The following OR10G4 variants were observed in gnomAD, a reference collection of about 807,000 sequenced individuals.
OR10G4 encodes olfactory receptor 10G4.
For synonymous variants in OR10G4, 130 were observed against 159.3 expected, an observed-to-expected ratio of 0.82 and a Z score of 1.39; for missense variants, 318 against 388.8, an observed-to-expected ratio of 0.82 and a Z score of 1.53.
In OR10G4 at chr11:124,015,593, G is replaced by T; in HGVS notation, c.19G>T (p.Val7Leu). 1 of 1,606,170 alleles carries T rather than the reference G, an allele frequency of 6.2e-7. No homozygotes were observed. The highest frequency in any genetic ancestry group is 8.5e-7 in the Non-Finnish European group (1 of 1,175,672). ...AGAAGAAATGTCCAACGCCAGCCTC[G>T]TGACAGCATTCATCCTCACAGGCCT... is the stretch of plus-strand genomic sequence containing the variant. MSNASL[V>L]TAFILTGLPH... The change falls in exon 2 of 2, where the codon GTG becomes TTG. Residue 7 changes from valine (V) to leucine (L), a missense_variant. Transcript: ENST00000641722.
Position 124,017,049 on chromosome 11 carries a change from A to G in OR10G4, c.*539A>G, listed in dbSNP as rs948397176. 1 of 152,348 alleles carries G rather than the reference A, an allele frequency of 6.6e-6. No homozygotes were observed. Among genetic ancestry groups the G allele is most frequent in the East Asian group, 1.9e-4 (1 of 5,192 alleles). 9.4% of individuals were successfully genotyped at this position (152,348 alleles called of 1,614,324 possible). A position where few individuals can be genotyped will look rare whatever the true frequency, so the allele number is the denominator to read the frequency against. On this transcript the variant is annotated 3_prime_UTR_variant, in exon 2 of 2. Transcript: ENST00000641722. ...GTACATGACATTTAGCATATTTAAC[A>G]TATAGGTTTTCATATATTTATGTAT...
chr11:124,016,013 A>C lies in OR10G4; in HGVS notation c.439A>C (p.Thr147Pro). ...CAGGTGTGCCCTCCTGGCCACCGGC[A>C]CTTGGCTCAGTGGCTCTCTGCACTC... ...GSRCALLATG[T>P]WLSGSLHSAV... The change falls in exon 2 of 2, where the codon ACT becomes CCT. Residue 147 changes from threonine to proline, a missense_variant. Transcript: ENST00000641722. 2.5e-6 allele frequency: 4 copies of C among 1,613,966 alleles called. No homozygotes were observed. The highest frequency in any genetic ancestry group is 3.4e-6 in the Non-Finnish European group (4 of 1,179,906).
intron 1 of OR10G4, among the ~76,000 whole-genome samples, chr11:124,014,538 CCACTTTCCGGCACT>C (rs1863998285): frequency 6.6e-6 from 1 of 152,194 alleles, no homozygotes; most frequent in African/African-American, 2.4e-5. Flanking sequence ...TGTCCTGCAC[CCACTTTCCGGCACT>C]CCCCAGTGAG....
At position 124,017,454 on chromosome 11, in the gene OR10G4, A is replaced by C. The variant is rs994618480; in HGVS notation, c.*944A>C. 1 of 152,222 alleles carries C rather than the reference A, an allele frequency of 6.6e-6. No individual in the cohort carries two copies. Among genetic ancestry groups the C allele is most frequent in the Non-Finnish European group, 1.5e-5 (1 of 68,030 alleles). The allele number at this position is 152,222 out of a possible 1,614,324, so 9.4% of individuals were successfully genotyped here. ...ATAGGTCAGGAGTGTTAAACATTCC[A>C]CAATGCACAGGAGAGACCCTCACAA... On this transcript the variant is annotated 3_prime_UTR_variant, in exon 2 of 2. Coordinates refer to ENST00000641722, the MANE Select transcript of OR10G4 (RefSeq NM_001004462.2).
rs1235623237 is a variant in OR10G4 at position 124,018,363 on chromosome 11, C to G, written c.*1853C>G. 2.7e-5 allele frequency: 4 copies of G among 149,528 alleles called. No homozygotes were observed. The highest frequency in any genetic ancestry group is 1.3e-4 in the Admixed American group (2 of 14,978). The allele number at this position is 149,528 out of a possible 1,614,324, so 9.3% of individuals were successfully genotyped here. ...CTATCCCTCCCCCAGCCCCCCACCC[C>G]CCAAAAGGCCCCCTTGTGTGATGTT... On this transcript the variant is annotated 3_prime_UTR_variant, in exon 2 of 2. Coordinates refer to ENST00000641722, the MANE Select transcript of OR10G4 (RefSeq NM_001004462.2).
Position 124,013,720 on chromosome 11 carries a change from T to C in OR10G4, c.-28+608T>C, listed in dbSNP as rs536226950. 1.7e-4 allele frequency among the ~76,000 whole-genome samples: 26 copies of C among 152,286 alleles called. No homozygotes were observed. The South Asian group carries it at 4.6e-3, about 27-fold the overall frequency. On this transcript the variant is annotated intron_variant, in intron 1 of 1. Transcript: ENST00000641722. Reference sequence around the variant, plus strand: ...GACTAAGAAAACATTTTGTATGCAGTTAAAAACATCATTTCAACCTGAATA... The same window carrying C: ...GACTAAGAAAACATTTTGTATGCAGCTAAAAACATCATTTCAACCTGAATA...
chr11:124,015,748 C>G lies in OR10G4; in HGVS notation c.174C>G (p.Tyr58Ter). 1 of 1,606,274 alleles carries G rather than the reference C, an allele frequency of 6.2e-7. No individual in the cohort carries two copies. Among genetic ancestry groups the G allele is most frequent in the Non-Finnish European group, 8.5e-7 (1 of 1,174,140 alleles). The change falls in exon 2 of 2, where the codon TAC (tyrosine) becomes TAG (stop). Residue 58 changes from tyrosine (Y) to a stop codon, truncating the protein, a stop_gained. Coordinates refer to ENST00000641722, the MANE Select transcript of OR10G4 (RefSeq NM_001004462.2). LOFTEE classifies it low-confidence loss of function (END_TRUNC). ...RVDSHLHTPM[Y>*]YFLTNLSFID... is the part of the protein sequence containing the mutation. ...ATTCTCACCTCCACACCCCCATGTACTACTTCCTCACCAACCTGTCCTTCA... is the reference window on the plus strand; with the variant it reads ...ATTCTCACCTCCACACCCCCATGTAGTACTTCCTCACCAACCTGTCCTTCA...
In OR10G4 at chr11:124,016,386, T is replaced by C. The variant is rs1864020824; in HGVS notation, c.812T>C (p.Val271Ala). ...TCCATGGATGCCATGGATGGAGTTG[T>C]GGCCATTTTCTACACTGTGCTGACG... ...PGSMDAMDGV[V>A]AIFYTVLTPL... Residue 271 changes from valine to alanine, a missense_variant, in exon 2 of 2, where the codon GTG becomes GCG. By Grantham distance (64) the Val-to-Ala change is moderately conservative. Transcript: ENST00000641722. 1 of 1,614,216 alleles carries C rather than the reference T, an allele frequency of 6.2e-7. No individual in the cohort carries two copies. The highest frequency in any genetic ancestry group is 1.1e-5 in the South Asian group (1 of 91,084).
chr11:124,015,442 A>G, intron 1 of OR10G4, 106 bp from the exon 2 acceptor site: 4 of 1,086,638 alleles, frequency 3.7e-6, no homozygotes, highest in Non-Finnish European at 5.3e-6. Flanking sequence ...AGCGAAGTGC[A>G]GGATAACTCC....
chr11:124,013,844 A>C (rs996417463), intron 1 of OR10G4, among the ~76,000 whole-genome samples: 1 of 152,210 alleles, frequency 6.6e-6, no homozygotes, highest in Non-Finnish European at 1.5e-5. Flanking sequence ...CAGGTATTAA[A>C]AAAGAAACAT....
chr11:124,016,957 T>C lies in OR10G4; in HGVS notation c.*447T>C, dbSNP rs1864026543. 1 of 156,212 alleles carries C rather than the reference T, an allele frequency of 6.4e-6. No homozygotes were observed. Among genetic ancestry groups the C allele is most frequent in the Admixed American group, 6.2e-5 (1 of 16,052 alleles). The allele number at this position is 156,212 out of a possible 1,614,324, so 9.7% of individuals were successfully genotyped here. A position where few individuals can be genotyped will look rare whatever the true frequency, so the allele number is the denominator to read the frequency against. On this transcript the variant is annotated 3_prime_UTR_variant, in exon 2 of 2. Transcript: ENST00000641722. The stretch of plus-strand genomic sequence containing the variant: ...TCTAATTGTGGCTGTTCAAATTTGT[T>C]TTTGGTTTTAACGTATCTATATATT...
chr11:124,018,044 T>A lies in OR10G4; in HGVS notation c.*1534T>A, dbSNP rs577234685. On this transcript the variant is annotated 3_prime_UTR_variant, in exon 2 of 2. Transcript: ENST00000641722. ...ATCTGGGTATTCAGAATAAAAAAAA[T>A]TAGTCTCGATCCTATTTCATACTAT... 2.0e-5 allele frequency: 3 copies of A among 152,226 alleles called. No individual in the cohort carries two copies. Among genetic ancestry groups the A allele is most frequent in the African/African-American group, 7.2e-5 (3 of 41,556 alleles). 9.4% of individuals were successfully genotyped at this position (152,226 alleles called of 1,614,324 possible). A position where few individuals can be genotyped will look rare whatever the true frequency, so the allele number is the denominator to read the frequency against.
In OR10G4 at chr11:124,018,439, A is replaced by G. The variant is rs1864039572; in HGVS notation, c.*1929A>G. The stretch of plus-strand genomic sequence containing the variant: ...ATTGTTCAACTCCCACTTATGAGTG[A>G]GAACATGTGGTGTTGGTTTTCTCTT... On this transcript the variant is annotated 3_prime_UTR_variant, in exon 2 of 2. Transcript: ENST00000641722. The G allele has an allele frequency of 7.1e-6, 1 of 141,502 alleles. No individual in the cohort carries two copies. The highest frequency in any genetic ancestry group is 2.6e-5 in the African/African-American group (1 of 37,998). The allele number at this position is 141,502 out of a possible 1,614,324, so 8.8% of individuals were successfully genotyped here. A position where few individuals can be genotyped will look rare whatever the true frequency, so the allele number is the denominator to read the frequency against.
chr11:124,013,365 G>A (rs1863987096), intron 1 of OR10G4, among the ~76,000 whole-genome samples: 1 of 152,050 alleles, frequency 6.6e-6, no homozygotes, highest in Non-Finnish European at 1.5e-5. Context: ...GGGAACAATG[G>A]ACTTCACCTC....
intron 1 of OR10G4, among the ~76,000 whole-genome samples, chr11:124,013,811 T>A (rs1005615302): frequency 1.7e-4 from 26 of 152,230 alleles, no homozygotes; most frequent in African/African-American, 6.0e-4. Flanking sequence ...CTTGCATTGG[T>A]TCTGTTTTCC....
Position 124,015,723 on chromosome 11 carries a change from A to C in OR10G4, c.149A>C (p.Asp50Ala), listed in dbSNP as rs746990527. 2.5e-6 allele frequency: 4 copies of C among 1,608,090 alleles called. No individual in the cohort carries two copies. Among genetic ancestry groups the C allele is most frequent in the Non-Finnish European group, 3.4e-6 (4 of 1,175,832 alleles). Residue 50 changes from aspartate (D) to alanine (A), a missense_variant, in exon 2 of 2, where the codon GAT becomes GCT. Asp to Ala is a moderately radical substitution (Grantham distance 126, BLOSUM62 -2). Transcript: ENST00000641722. ...CTCATCCTGCTGGTGATCAGGGTGG[A>C]TTCTCACCTCCACACCCCCATGTAC... ...NLLILLVIRV[D>A]SHLHTPMYYF...
At position 124,016,303 on chromosome 11, in the gene OR10G4, C is replaced by G. The variant is rs1864019429; in HGVS notation, c.729C>G (p.His243Gln). 1 of 1,614,208 alleles carries G rather than the reference C, an allele frequency of 6.2e-7. No individual in the cohort carries two copies. The highest frequency in any genetic ancestry group is 1.3e-5 in the African/African-American group (1 of 75,064). Residue 243 changes from histidine (H) to glutamine (Q), a missense_variant, in exon 2 of 2, where the codon CAC becomes CAG. By Grantham distance (24) the His-to-Gln change is conservative. Coordinates refer to ENST00000641722, the MANE Select transcript of OR10G4 (RefSeq NM_001004462.2). ...RRRAFQTCASHCIVVLCFFVP... is the reference protein window; with the variant it reads ...RRRAFQTCASQCIVVLCFFVP... The stretch of plus-strand genomic sequence containing the variant: ...GAGCCTTTCAGACCTGTGCCTCCCA[C>G]TGTATTGTGGTCCTTTGCTTCTTTG...
intron 1 of OR10G4, among the ~76,000 whole-genome samples, chr11:124,013,887 G>A (rs1863990735): frequency 6.6e-6 from 1 of 152,102 alleles, no homozygotes; most frequent in Non-Finnish European, 1.5e-5. Flanking sequence ...ATTATGCATT[G>A]CCTGGGGTTA....
chr11:124,014,975 G>A (rs570942619), intron 1 of OR10G4: 29 of 154,320 alleles, frequency 1.9e-4, no homozygotes, highest in African/African-American at 6.5e-4. Flanking sequence ...GAAGAAGTAA[G>A]CTGTCATGTC....
Sources: allele counts gnomAD v4.1 joint callset (sites outside exome capture counted in the v4.1 genomes callset), GRCh38; gene constraint gnomAD v4.1.1; transcripts MANE v1.5; gene names NCBI Gene and HGNC (gene_info 2026-07-23, HGNC 2026-07-21).